FMN1: variants seen among roughly 807,000 people sequenced by gnomAD.
FMN1 encodes formin-1.
A neutral mutation model predicts 132.4 loss-of-function variants in FMN1; 110 were observed. The ratio of observed to expected loss-of-function variants is 0.83; its 90% CI spans 0.71 to 0.97. The LOEUF (loss-of-function observed/expected upper bound fraction) is 0.97, where lower values mean the gene tolerates loss of function less well. Ranked by LOEUF, FMN1 falls within the 50% of genes least tolerant of loss-of-function variation. The probability of loss-of-function intolerance (pLI) is 0.00; values close to 1 mark genes in which losing one functional copy is unlikely to be tolerated. For missense variants in FMN1, 1,792 were observed against 1,705.3 expected (o/e 1.05, Z -0.90); for synonymous variants, 722 against 651.7 (o/e 1.11, Z -1.64).
intron 7 of FMN1, among the ~76,000 whole-genome samples, chr15:32,986,680 A>G (rs955642859): frequency 6.6e-6 from 1 of 152,150 alleles, no homozygotes; most frequent in African/African-American, 2.4e-5. Context: ...ATCAAGATGC[A>G]TGTGGAATTA....
chr15:33,140,711 G>GA (rs1416100092), intron 4 of FMN1, among the ~76,000 whole-genome samples: 1 of 152,218 alleles, frequency 6.6e-6, no homozygotes, highest in Admixed American at 6.5e-5. Context: ...GAGCTTTATG[G>GA]AAAAAATGAC....
chr15:32,975,729 G>A (rs574591507), intron 7 of FMN1, among the ~76,000 whole-genome samples: 1 of 152,080 alleles, frequency 6.6e-6, no homozygotes, highest in Admixed American at 6.5e-5. Context: ...TCTCTTCACA[G>A]TCAGCTCAAA....
chr15:32,940,796 A>C (rs946007180), intron 9 of FMN1, among the ~76,000 whole-genome samples: 3 of 152,160 alleles, frequency 2.0e-5, no homozygotes, highest in Admixed American at 2.0e-4. Context: ...TGGGTGTCCA[A>C]ACAGAAAGGA....
chr15:33,033,277 A>G (rs957553558), intron 6 of FMN1, among the ~76,000 whole-genome samples: 44 of 152,148 alleles, frequency 2.9e-4, no homozygotes, highest in Admixed American at 9.8e-4. Flanking sequence ...TGATCCGCCC[A>G]CCTCAGCCTC....
At chr15:32,982,400 G>T (rs1300749255) in intron 7 of FMN1, among the ~76,000 whole-genome samples, 1 of 152,102 alleles carries the variant, frequency 6.6e-6, no homozygotes, top group African/African-American at 2.4e-5. Flanking sequence ...ATCAACTATC[G>T]ATCCCACTCC....
At chr15:33,165,220 C>T (rs61394662) in intron 3 of FMN1, among the ~76,000 whole-genome samples, 4,811 of 152,234 alleles carry the variant, frequency 0.032, 287 homozygotes, top group African/African-American at 0.11. Context: ...TTTCAAATAT[C>T]GGGAGTATCT....
rs1246685529 is a variant in FMN1 at position 33,153,216 on chromosome 15, A to T, written c.1699T>A (p.Ser567Thr). The T allele has an allele frequency of 2.6e-6, 4 of 1,536,060 alleles. No homozygotes were observed. The highest frequency in any genetic ancestry group is 3.5e-6 in the Non-Finnish European group (4 of 1,146,904). ...RKSRVFSGCV[S>T]ADTLEPPSSA... ...GATGGTGGCTCCAAGGTGTCAGCAG[A>T]GACGCACCCAGAGAAGACACGGCTC... is the stretch of plus-strand genomic sequence containing the variant. The change falls in exon 4 of 21, where the codon TCT becomes ACT. Residue 567 changes from serine (S) to threonine (T), a missense_variant. By Grantham distance (58) the Ser-to-Thr change is moderately conservative. Coordinates refer to ENST00000616417, the MANE Select transcript of FMN1 (RefSeq NM_001277313.2).
In FMN1 at chr15:33,029,571, G is replaced by T. The variant is rs7174247; in HGVS notation, c.2162-21496C>A. Among the ~76,000 whole-genome samples the T allele has an allele frequency of 1.5e-3, 225 of 152,248 alleles. 1 individual carries two copies. Among genetic ancestry groups the T allele is most frequent in the African/African-American group, 4.8e-3 (201 of 41,540 alleles). On this transcript the variant is annotated intron_variant, in intron 6 of 20. Coordinates refer to ENST00000616417, the MANE Select transcript of FMN1 (RefSeq NM_001277313.2). ...TTAGTTTTCCTCAATAGCTTTTGTA[G>T]TCCAGACAAGGGTAGGAAGAGCCAA...
chr15:32,823,166 T>TTTTTTTTG (rs1567224879), intron 17 of FMN1, among the ~76,000 whole-genome samples: 17 of 100,206 alleles, frequency 1.7e-4, no homozygotes, highest in African/African-American at 5.6e-4. Context: ...TTTTTTTTTT[T>TTTTTTTTG]TTTTTTTTTT....
Position 33,117,830 on chromosome 15 carries a change from A to G in FMN1, c.1868-28856T>C, listed in dbSNP as rs75095511. 5.3e-3 allele frequency among the ~76,000 whole-genome samples: 810 copies of G among 152,340 alleles called. 11 individuals are homozygous for G. Among genetic ancestry groups the G allele is most frequent in the African/African-American group, 0.019 (776 of 41,584 alleles). On this transcript the variant is annotated intron_variant, in intron 4 of 20. Coordinates refer to ENST00000616417, the MANE Select transcript of FMN1 (RefSeq NM_001277313.2). ...ATGGTTATGAAGCATACTCAGGACC[A>G]TGTAGCAAATTAGTGTTTGAACTAA...
intron 3 of FMN1, among the ~76,000 whole-genome samples, chr15:33,160,769 C>T (rs2140299720): frequency 6.6e-6 from 1 of 152,282 alleles, no homozygotes; most frequent in South Asian, 2.1e-4. Context: ...GGTAAAAGCA[C>T]TTTGCTTCCC....
chr15:33,083,500 C>A (rs1190304441), intron 5 of FMN1, among the ~76,000 whole-genome samples: 2 of 152,164 alleles, frequency 1.3e-5, no homozygotes, highest in Non-Finnish European at 2.9e-5. Context: ...TTGAGCTAAT[C>A]ACCAATGTAA....
chr15:33,121,223 G>C (rs955696312), intron 4 of FMN1, among the ~76,000 whole-genome samples: 4 of 152,280 alleles, frequency 2.6e-5, no homozygotes, highest in African/African-American at 7.2e-5. Flanking sequence ...TGGGTCCTGT[G>C]TCTTGAAACA....
intron 6 of FMN1, among the ~76,000 whole-genome samples, chr15:33,049,978 T>A (rs543880192): frequency 1.6e-4 from 25 of 152,242 alleles, no homozygotes; most frequent in Non-Finnish European, 3.1e-4. Flanking sequence ...AGTTTTTTCT[T>A]TTAACACAAC....
At chr15:33,172,992 C>G (rs193090467) in intron 3 of FMN1, among the ~76,000 whole-genome samples, 35 of 152,158 alleles carry the variant, frequency 2.3e-4, no homozygotes, top group African/African-American at 8.2e-4. Context: ...TTGATCTTGC[C>G]AGAGGTTTTC....
chr15:33,090,775 A>ACTG (rs897179983), intron 4 of FMN1, among the ~76,000 whole-genome samples: 1 of 152,162 alleles, frequency 6.6e-6, no homozygotes, highest in African/African-American at 2.4e-5. Flanking sequence ...TGCCTAAAGG[A>ACTG]ACCTCAGGGA....
chr15:32,949,944 T>TATATATATATATATATATATACAC (rs2061589953), intron 9 of FMN1, among the ~76,000 whole-genome samples: 1 of 53,764 alleles, frequency 1.9e-5, no homozygotes, highest in Non-Finnish European at 3.4e-5. Flanking sequence ...AAAAAGCATA[T>TATATATATATATATATATATACAC]ATATATATAT....
At chr15:32,946,635 G>T (rs1240252330) in intron 9 of FMN1, among the ~76,000 whole-genome samples, 1 of 152,112 alleles carries the variant, frequency 6.6e-6, no homozygotes, top group African/African-American at 2.4e-5. Context: ...GAGACCTAAT[G>T]ATTTGAAAAA....
chr15:32,825,516 C>T (rs779160158), intron 17 of FMN1, among the ~76,000 whole-genome samples: 7 of 152,196 alleles, frequency 4.6e-5, no homozygotes, highest in African/African-American at 7.2e-5. Context: ...TCTACTCTCC[C>T]TACTCTTTTA....
Sources: gnomAD v4.1 joint callset for allele counts (sites outside exome capture counted in the v4.1 genomes callset) on GRCh38, gnomAD v4.1.1 for gene constraint, MANE v1.5 for transcripts, NCBI Gene and HGNC (gene_info 2026-07-23, HGNC 2026-07-21) for gene names.